KAZN: variants seen among roughly 807,000 people sequenced by gnomAD.
KAZN encodes the protein kazrin.
In KAZN, 40 loss-of-function variants were observed where a neutral mutation model predicts 87.4. That is an observed-to-expected ratio of 0.46 (90% CI 0.36 to 0.60). KAZN has a LOEUF of 0.60. Ranked by LOEUF, KAZN falls within the 20% of genes least tolerant of loss-of-function variation. KAZN has a pLI of 0.00. For missense variants in KAZN, 898 were observed against 1,073.9 expected (o/e 0.84, Z 2.29); for synonymous variants, 466 against 458.3 (o/e 1.02, Z -0.22).
chr1:14,559,353 T>G (rs1674114685), intron 2 of KAZN, among the ~76,000 whole-genome samples: 1 of 152,176 alleles, frequency 6.6e-6, no homozygotes, highest in South Asian at 2.1e-4. Flanking sequence ...AATGCCTAGT[T>G]GGAGAGGAGT....
chr1:14,243,527 G>C (rs1322751063), intron 2 of KAZN, among the ~76,000 whole-genome samples: 1 of 152,174 alleles, frequency 6.6e-6, no homozygotes, highest in South Asian at 2.1e-4. Context: ...TCCTTCACAT[G>C]AGTATCTGGG....
chr1:14,985,151 A>T (rs1666659385), intron 2 of KAZN, among the ~76,000 whole-genome samples: 2 of 149,582 alleles, frequency 1.3e-5, no homozygotes, highest in Non-Finnish European at 3.0e-5. Context: ...AAAAAAAAAA[A>T]TGGTGGGGTC....
chr1:14,262,329 C>G (rs1307316742), intron 2 of KAZN, among the ~76,000 whole-genome samples: 1 of 152,170 alleles, frequency 6.6e-6, no homozygotes, highest in Admixed American at 6.5e-5. Flanking sequence ...CTCCTTGTGG[C>G]TCTTAGATGA....
At chr1:13,914,098 G>A (rs1041786588) in intron 1 of KAZN, among the ~76,000 whole-genome samples, 2 of 152,182 alleles carry the variant, frequency 1.3e-5, no homozygotes, top group African/African-American at 4.8e-5. Context: ...AAGACGCGCT[G>A]AAGGAATTTC....
At chr1:14,965,982 C>CTTTTTTTTTTT (rs71306999) in intron 2 of KAZN, among the ~76,000 whole-genome samples, 2 of 129,186 alleles carry the variant, frequency 1.5e-5, no homozygotes, top group African/African-American at 3.0e-5. Flanking sequence ...CTTTCCTTTT[C>CTTTTTTTTTTT]TTTTTTTTTT....
intron 1 of KAZN, among the ~76,000 whole-genome samples, chr1:14,630,404 T>C (rs1679476748): frequency 6.6e-6 from 1 of 152,244 alleles, no homozygotes; most frequent in Non-Finnish European, 1.5e-5. Flanking sequence ...ACTATGAAGA[T>C]GGCCAGGTGA....
intron 2 of KAZN, among the ~76,000 whole-genome samples, chr1:14,241,407 C>T (rs930140721): frequency 8.6e-5 from 13 of 151,920 alleles, no homozygotes; most frequent in African/African-American, 3.1e-4. Flanking sequence ...AAAAGAGTCT[C>T]CTCTCTCTCT....
rs80080753 is a variant in KAZN, at chr1:14,621,378, C to T, written c.226+22155C>T. Among the ~76,000 whole-genome samples the T allele has an allele frequency of 1.6e-3, 246 of 152,262 alleles. 1 individual carries two copies. In the East Asian group the frequency reaches 0.023, roughly 14 times the overall value. ...AGTATGTGTGTTTAATCCACATGCT[C>T]GTTTAAGAAAAGCTCTGACTCTACT... On this transcript the variant is annotated intron_variant, in intron 1 of 14. Transcript: ENST00000376030.
rs191124260 is a variant in KAZN, at chr1:14,648,793, T to C, written c.226+49570T>C. Among the ~76,000 whole-genome samples, 232 of 152,314 alleles carry C rather than the reference T, an allele frequency of 1.5e-3. 1 individual carries two copies. In the Middle Eastern group the frequency reaches 0.031, roughly 20 times the overall value. On this transcript the variant is annotated intron_variant, in intron 1 of 14. Transcript: ENST00000376030. ...AGTGCTCACTAATGTAGTTTGTGTGTTTTGGGTCATGTCCCATTGGGAACC... is the reference window on the plus strand; with the variant it reads ...AGTGCTCACTAATGTAGTTTGTGTGCTTTGGGTCATGTCCCATTGGGAACC...
At chr1:14,910,138 GA>G (rs1274483703) in intron 1 of KAZN, among the ~76,000 whole-genome samples, 1 of 152,152 alleles carries the variant, frequency 6.6e-6, no homozygotes, top group Non-Finnish European at 1.5e-5. Flanking sequence ...TGGCTCTCCA[GA>G]AGGCTCTGGG....
chr1:14,522,937 C>G (rs1203653456), intron 2 of KAZN, among the ~76,000 whole-genome samples: 1 of 152,154 alleles, frequency 6.6e-6, no homozygotes, highest in Non-Finnish European at 1.5e-5. Context: ...TGTTCCCACC[C>G]AGAGGGTCTT....
At chr1:14,778,557 G>A (rs1645245471) in intron 1 of KAZN, among the ~76,000 whole-genome samples, 1 of 152,044 alleles carries the variant, frequency 6.6e-6, no homozygotes, top group Non-Finnish European at 1.5e-5. Flanking sequence ...GGAAGCTTAG[G>A]ATTTTATTTT....
intron 2 of KAZN, among the ~76,000 whole-genome samples, chr1:15,005,565 C>A (rs1446715315): frequency 6.6e-6 from 1 of 152,142 alleles, no homozygotes; most frequent in East Asian, 1.9e-4. Flanking sequence ...GCAGGTGGAT[C>A]GCTTGAGGTC....
At chr1:13,950,374 G>A (rs941396022) in intron 1 of KAZN, among the ~76,000 whole-genome samples, 46 of 152,154 alleles carry the variant, frequency 3.0e-4, no homozygotes, top group African/African-American at 9.9e-4. Context: ...GGGATTTGAT[G>A]GTCTCTCCTA....
intron 1 of KAZN, among the ~76,000 whole-genome samples, chr1:14,652,991 G>A (rs969396021): frequency 6.6e-6 from 1 of 152,092 alleles, no homozygotes; most frequent in Non-Finnish European, 1.5e-5. Flanking sequence ...AATATGTCAA[G>A]CTGGAGAAAT....
chr1:14,405,012 G>A (rs1304037783), intron 2 of KAZN, among the ~76,000 whole-genome samples: 1 of 152,156 alleles, frequency 6.6e-6, no homozygotes, highest in Non-Finnish European at 1.5e-5. Context: ...TTTCTACATT[G>A]CATTAAGGCA....
chr1:13,923,078 ATCTTCC>A (rs145810474), intron 1 of KAZN, among the ~76,000 whole-genome samples: 10,055 of 152,132 alleles, frequency 0.066, 463 homozygotes, highest in South Asian at 0.11. Context: ...GATTACTGAC[ATCTTCC>A]TCCTGGACAA....
At position 14,419,234 on chromosome 1, in the gene KAZN, AAAGT is replaced by A. The variant is rs556839022; in HGVS notation, c.250-179742_250-179739del. Among the ~76,000 whole-genome samples, 736 of 152,328 alleles carry A rather than the reference AAAGT, an allele frequency of 4.8e-3. 7 individuals carry two copies. Among genetic ancestry groups the A allele is most frequent in the Non-Finnish European group, 8.7e-3 (592 of 68,028 alleles). On this transcript the variant is annotated intron_variant, in intron 2 of 16. Coordinates refer to the KAZN transcript ENST00000636203. ...GGACACTGTTCCTGCTGTCATTTTA[AAAGT>A]AAGTAAACTGAAGCCCAGAGAAATT...
intron 2 of KAZN, among the ~76,000 whole-genome samples, chr1:14,447,312 C>T (rs953580799): frequency 1.3e-5 from 2 of 150,872 alleles, no homozygotes; most frequent in Non-Finnish European, 2.9e-5. Context: ...GATCTCAGCT[C>T]ACTGCAAGCT....
Sources: allele counts gnomAD v4.1 joint callset (sites outside exome capture counted in the v4.1 genomes callset), GRCh38; gene constraint gnomAD v4.1.1; transcripts MANE v1.5; gene names NCBI Gene and HGNC (gene_info 2026-07-23, HGNC 2026-07-21).